PIGF: variants seen among roughly 807,000 people sequenced by gnomAD.
PIGF encodes the protein GPI ethanolamine phosphate transferase, stabilizing subunit.
A neutral mutation model predicts 26.0 loss-of-function variants in PIGF; 23 were observed. The ratio of observed to expected loss-of-function variants is 0.88; its 90% CI spans 0.64 to 1.25. The LOEUF (loss-of-function observed/expected upper bound fraction) is 1.25. Among genes scored for constraint, PIGF ranks in the 50% most tolerant of loss-of-function variants. The pLI is 0.00. For synonymous variants in PIGF, 93 were observed against 92.6 expected (o/e 1.00, Z -0.03); for missense variants, 278 against 249.9 (o/e 1.11, Z -0.76).
At chr2:46,616,049 A>ACG (rs3832038) in intron 1 of PIGF, 10 of 151,108 alleles carry the variant, frequency 6.6e-5, no homozygotes, top group East Asian at 2.0e-4. Context: ...ACACACGCAC[A>ACG]CGCGCGCGCG....
At chr2:46,607,275 T>C (rs1222698271) in intron 4 of PIGF, among the ~76,000 whole-genome samples, 1 of 152,190 alleles carries the variant, frequency 6.6e-6, no homozygotes, top group Admixed American at 6.5e-5. Context: ...TCGCAATAAC[T>C]CACAATAGGC....
At chr2:46,615,567 C>CA (rs1381770850) in intron 1 of PIGF, 2 of 161,614 alleles carry the variant, frequency 1.2e-5, no homozygotes, top group Non-Finnish European at 2.7e-5. Context: ...CAATTATAAC[C>CA]AAAGTTTATT....
chr2:46,592,017 G>A (rs913680864), intron 5 of PIGF: 6 of 1,252,004 alleles, frequency 4.8e-6, no homozygotes, highest in South Asian at 2.5e-5. Context: ...TATCAAAGTT[G>A]AAAATAGGAA....
intron 4 of PIGF, among the ~76,000 whole-genome samples, chr2:46,611,466 G>A (rs1453919521): frequency 6.8e-6 from 1 of 147,814 alleles, no homozygotes; most frequent in Non-Finnish European, 1.5e-5. Flanking sequence ...CCTGGCGACA[G>A]AGCGAGGTTC....
rs562736266 is a variant in PIGF, at chr2:46,593,593, A to C, written c.438-1010T>G. ...CATCTGAGAGTGTAAAGGTGGAAAGACTTAATTCTGCCATTCTCTTAGTAG... is the reference window on the plus strand; with the variant it reads ...CATCTGAGAGTGTAAAGGTGGAAAGCCTTAATTCTGCCATTCTCTTAGTAG... On this transcript the variant is annotated intron_variant, in intron 4 of 5. Transcript: ENST00000281382. 1.3e-4 allele frequency among the ~76,000 whole-genome samples: 20 copies of C among 152,300 alleles called. 1 individual carries two copies. In the South Asian group the frequency reaches 3.7e-3, roughly 28 times the overall value.
At chr2:46,593,752 G>A (rs898982500) in intron 4 of PIGF, among the ~76,000 whole-genome samples, 9 of 152,204 alleles carry the variant, frequency 5.9e-5, no homozygotes, top group African/African-American at 2.2e-4. Context: ...ATTGCAAGGT[G>A]AAGTTATTGA....
At chr2:46,614,774 G>T (rs762473781) in intron 2 of PIGF, 163 bp downstream of exon 2, 14 of 548,470 alleles carry the variant, frequency 2.6e-5, no homozygotes, top group Non-Finnish European at 3.6e-5. Flanking sequence ...AACATTGTGG[G>T]CAGCCTTCCA....
chr2:46,607,610 A>C (rs1428988948), intron 4 of PIGF, among the ~76,000 whole-genome samples: 3 of 152,194 alleles, frequency 2.0e-5, no homozygotes, highest in African/African-American at 7.2e-5. Flanking sequence ...AGCAAGTTGT[A>C]ATCTTTTTGC....
At chr2:46,597,201 A>G (rs1490554232) in intron 4 of PIGF, among the ~76,000 whole-genome samples, 1 of 151,668 alleles carries the variant, frequency 6.6e-6, no homozygotes, top group East Asian at 1.9e-4. Context: ...CCTAAATTCC[A>G]AGACTTCCTC....
At chr2:46,602,159 G>C (rs756733642) in intron 4 of PIGF, among the ~76,000 whole-genome samples, 21 of 151,862 alleles carry the variant, frequency 1.4e-4, no homozygotes, top group Non-Finnish European at 2.4e-4. Flanking sequence ...AAATGACCTT[G>C]TCTACTTCCA....
chr2:46,586,063 C>A (rs1385919600), intron 5 of PIGF, among the ~76,000 whole-genome samples: 1 of 152,114 alleles, frequency 6.6e-6, no homozygotes, highest in Non-Finnish European at 1.5e-5. Context: ...CGTGAGCCAC[C>A]GCGCCCAGCC....
intron 1 of PIGF, chr2:46,616,020 A>G (rs771360246): frequency 1.9e-4 from 28 of 147,222 alleles, no homozygotes; most frequent in South Asian, 4.3e-4. Context: ...AATATCTCAG[A>G]AAAAAAAATA....
At chr2:46,584,788 T>C (rs1289781177) in intron 5 of PIGF, among the ~76,000 whole-genome samples, 3 of 152,188 alleles carry the variant, frequency 2.0e-5, no homozygotes, top group African/African-American at 7.2e-5. Flanking sequence ...AGAGAATTTC[T>C]TTAAGGGCCG....
Position 46,592,572 on chromosome 2 carries a change from A to G in PIGF, c.449T>C (p.Ile150Thr), listed in dbSNP as rs1166756889. 6.3e-7 allele frequency: 1 copy of G among 1,579,324 alleles called. No homozygotes were observed. Among genetic ancestry groups the G allele is most frequent in the Non-Finnish European group, 8.7e-7 (1 of 1,148,140 alleles). Residue 150 changes from isoleucine to threonine, a missense_variant, in exon 5 of 6, where the codon ATA becomes ACA. Transcript: ENST00000281382. ...RVFSRNGVTSIWENSLQITTI... is the reference protein window; with the variant it reads ...RVFSRNGVTSTWENSLQITTI... The stretch of plus-strand genomic sequence containing the variant: ...AGTGATCTGGAGACTATTCTCCCAT[A>G]TGGATGTAACTCTGTGAAACACAAA...
intron 4 of PIGF, among the ~76,000 whole-genome samples, chr2:46,609,594 C>G (rs936318055): frequency 2.6e-5 from 4 of 151,854 alleles, no homozygotes; most frequent in South Asian, 2.1e-4. Flanking sequence ...AAGTGAGAGA[C>G]AAGTAAAATT....
chr2:46,593,305 G>A (rs1249137062), intron 4 of PIGF, among the ~76,000 whole-genome samples: 1 of 151,916 alleles, frequency 6.6e-6, no homozygotes, highest in Non-Finnish European at 1.5e-5. Flanking sequence ...GCTAATTTTT[G>A]TACTTTTAGT....
intron 4 of PIGF, among the ~76,000 whole-genome samples, chr2:46,601,009 T>C (rs1180809724): frequency 1.3e-5 from 2 of 152,022 alleles, no homozygotes; most frequent in Non-Finnish European, 2.9e-5. Context: ...TAACTTTCTA[T>C]ATTTTTCTGT....
intron 3 of PIGF, among the ~76,000 whole-genome samples, chr2:46,612,604 C>T (rs753571810): frequency 6.6e-6 from 1 of 152,130 alleles, no homozygotes; most frequent in South Asian, 2.1e-4. Flanking sequence ...ACTTTCACTG[C>T]AAACACAAAC....
chr2:46,597,821 T>C (rs1297763415), intron 4 of PIGF, among the ~76,000 whole-genome samples: 2 of 152,240 alleles, frequency 1.3e-5, no homozygotes, highest in Non-Finnish European at 2.9e-5. Context: ...TCTCTCATTC[T>C]CTAAAAACTT....
Sources: allele counts gnomAD v4.1 joint callset (sites outside exome capture counted in the v4.1 genomes callset), GRCh38; gene constraint gnomAD v4.1.1; transcripts MANE v1.5; gene names NCBI Gene and HGNC (gene_info 2026-07-23, HGNC 2026-07-21).